The following SYT16 variants were observed in gnomAD, a reference collection of about 807,000 sequenced individuals.
SYT16 encodes the protein synaptotagmin-16.
Under a neutral mutation model 61.4 loss-of-function variants are expected in SYT16, and 42 were observed. The observed-to-expected ratio is 0.68, with a 90% CI of 0.53 to 0.89. SYT16 has a LOEUF of 0.89. Ranked by LOEUF, SYT16 falls within the 40% of genes least tolerant of loss-of-function variation. SYT16 has a pLI of 0.00. For missense variants in SYT16, 804 were observed against 807.3 expected, an observed-to-expected ratio of 1.00 and a Z score of 0.05; for synonymous variants, 314 against 302.3, an observed-to-expected ratio of 1.04 and a Z score of -0.40.
At chr14:62,112,823 C>T (rs2057628288), downstream of SYT16, among the ~76,000 whole-genome samples, 1 of 152,112 alleles carries the variant, frequency 6.6e-6, no homozygotes, top group African/African-American at 2.4e-5. Flanking sequence ...TGAAGAACAT[C>T]AGGTAAGGAG....
At chr14:61,965,289 G>T (rs1490866784) in intron 1 of SYT16, among the ~76,000 whole-genome samples, 3 of 152,144 alleles carry the variant, frequency 2.0e-5, no homozygotes, top group African/African-American at 7.2e-5. Flanking sequence ...TAGAAAGCAT[G>T]TAATCAAATC....
Position 62,011,060 on chromosome 14 carries a change from C to T in SYT16, c.523+14518C>T, listed in dbSNP as rs115902789. Among the ~76,000 whole-genome samples, 713 of 152,252 alleles carry T rather than the reference C, an allele frequency of 4.7e-3. 4 individuals carry two copies. The highest frequency in any genetic ancestry group is 0.016 in the African/African-American group (680 of 41,538). On this transcript the variant is annotated intron_variant, in intron 3 of 7. Coordinates refer to ENST00000683842, the MANE Select transcript of SYT16 (RefSeq NM_001367656.1). ...GGATTTATTCTTAGCCATAAAGTGA[C>T]ATAGAGGCAATATTGCTTATGTCCC...
chr14:62,079,381 C>T (rs773813533), intron 5 of SYT16: 2 of 1,228,304 alleles, frequency 1.6e-6, no homozygotes, highest in Non-Finnish European at 2.1e-6. Context: ...TATTAGATGT[C>T]TACTGTCTGT....
intron 7 of SYT16, among the ~76,000 whole-genome samples, chr14:62,094,956 C>T (rs2057221281): frequency 6.6e-6 from 1 of 151,994 alleles, no homozygotes; most frequent in African/African-American, 2.4e-5. Flanking sequence ...CCTACTCATG[C>T]CTGCAACCGG....
chr14:61,862,301 C>A (rs938880353), intron 1 of SYT16, among the ~76,000 whole-genome samples: 1 of 152,174 alleles, frequency 6.6e-6, no homozygotes, highest in African/African-American at 2.4e-5. Context: ...CCCTGGAAAC[C>A]AGTGATCTGC....
intron 1 of SYT16, among the ~76,000 whole-genome samples, chr14:61,820,485 T>TTG (rs1356770188): frequency 7.3e-6 from 1 of 136,574 alleles, no homozygotes; most frequent in East Asian, 2.3e-4. Flanking sequence ...TTTTTTTTTT[T>TTG]TTTTTTTTTT....
intron 3 of SYT16, among the ~76,000 whole-genome samples, chr14:62,022,213 C>T (rs949179073): frequency 1.3e-5 from 2 of 152,040 alleles, no homozygotes; most frequent in African/African-American, 4.8e-5. Flanking sequence ...CCATTTAGTA[C>T]TTCTCATAGT....
intron 3 of SYT16, among the ~76,000 whole-genome samples, chr14:61,997,419 C>T (rs542720122): frequency 6.6e-6 from 1 of 152,158 alleles, no homozygotes; most frequent in South Asian, 2.1e-4. Flanking sequence ...AGAGAGCAGA[C>T]TTTTCTGGAA....
intron 1 of SYT16, among the ~76,000 whole-genome samples, chr14:61,886,342 C>T (rs553438588): frequency 2.0e-5 from 3 of 152,212 alleles, no homozygotes; most frequent in Non-Finnish European, 2.9e-5. Flanking sequence ...AAAGATTTCT[C>T]TGTAGCATGT....
chr14:61,858,120 CAAAAAAAAAAAAAAAAAAAAAAAGA>C (rs2046837291), intron 1 of SYT16, among the ~76,000 whole-genome samples: 3 of 43,226 alleles, frequency 6.9e-5, no homozygotes, highest in Non-Finnish European at 1.7e-4. Context: ...CACAGCTTGG[CAAAAAAAAAAAAAAAAAAAAAAAGA>C]AAGAAAAAAA....
chr14:62,067,549 A>C (rs979921007), intron 3 of SYT16, among the ~76,000 whole-genome samples: 2 of 152,198 alleles, frequency 1.3e-5, no homozygotes, highest in African/African-American at 4.8e-5. Flanking sequence ...AAAGTGTATG[A>C]ATAATTCAAA....
rs571786074 is a variant in SYT16 at position 61,976,083 on chromosome 14, G to A, written c.-145+5772G>A. The stretch of plus-strand genomic sequence containing the variant: ...CAAAGGGGCTACAGGCCCCATGCAG[G>A]TCCAAAATCCAGTGGGGCAGTCAAA... On this transcript the variant is annotated intron_variant, in intron 2 of 7. Transcript: ENST00000683842. Among the ~76,000 whole-genome samples, 7 of 152,296 alleles carry A rather than the reference G, an allele frequency of 4.6e-5. No individual in the cohort carries two copies. The South Asian group carries it at 1.5e-3, about 32-fold the overall frequency.
At chr14:61,835,452 G>T (rs192809034) in intron 1 of SYT16, among the ~76,000 whole-genome samples, 125 of 151,640 alleles carry the variant, frequency 8.2e-4, no homozygotes, top group African/African-American at 3.0e-3. Flanking sequence ...TAGAGATGGG[G>T]TTTCATTATG....
intron 2 of SYT16, among the ~76,000 whole-genome samples, chr14:61,995,082 T>C (rs902765735): frequency 6.6e-6 from 1 of 152,192 alleles, no homozygotes; most frequent in African/African-American, 2.4e-5. Context: ...TATGTGTATG[T>C]ATACATTGTA....
chr14:61,923,555 A>G (rs1383495826), intron 1 of SYT16, among the ~76,000 whole-genome samples: 1 of 152,146 alleles, frequency 6.6e-6, no homozygotes, highest in East Asian at 1.9e-4. Flanking sequence ...TGTTTTGGCC[A>G]GTGAGCGAGC....
intron 2 of SYT16, among the ~76,000 whole-genome samples, chr14:61,989,974 T>C (rs192392181): frequency 1.8e-4 from 27 of 152,316 alleles, no homozygotes; most frequent in African/African-American, 6.5e-4. Context: ...GAAAGAGTCC[T>C]GAGTAGTCCC....
At chr14:61,971,098 A>T (rs72718537) in intron 2 of SYT16, among the ~76,000 whole-genome samples, 1,840 of 152,210 alleles carry the variant, frequency 0.012, 27 homozygotes, top group South Asian at 0.02. Context: ...ATGTGTTCTA[A>T]GTATGCCTGG....
intron 1 of SYT16, among the ~76,000 whole-genome samples, chr14:61,912,051 ACAT>A (rs532169518): frequency 6.0e-4 from 92 of 152,342 alleles, no homozygotes; most frequent in African/African-American, 2.2e-3. Flanking sequence ...AAATTTATTA[ACAT>A]CATGTATATT....
chr14:61,853,330 A>G (rs1050926800), intron 1 of SYT16, among the ~76,000 whole-genome samples: 3 of 152,120 alleles, frequency 2.0e-5, no homozygotes, highest in Admixed American at 1.3e-4. Flanking sequence ...TCTTTTCACT[A>G]TTGCTATATT....
Sources: allele counts gnomAD v4.1 joint callset (sites outside exome capture counted in the v4.1 genomes callset), GRCh38; gene constraint gnomAD v4.1.1; transcripts MANE v1.5; gene names NCBI Gene and HGNC (gene_info 2026-07-23, HGNC 2026-07-21).